The following ENOX2 variants were observed in gnomAD, a reference collection of about 807,000 sequenced individuals.
ENOX2 encodes ecto-NOX disulfide-thiol exchanger 2.
A neutral mutation model predicts 45.0 loss-of-function variants in ENOX2; 36 were observed. The observed-to-expected ratio is 0.80, with a 90% confidence interval of 0.61 to 1.06. ENOX2 has a LOEUF of 1.06. Ranked by LOEUF, ENOX2 falls within the 50% of genes least tolerant of loss-of-function variation. The probability of loss-of-function intolerance (pLI) is 0.00; values close to 1 mark genes in which losing one functional copy is unlikely to be tolerated. For synonymous variants in ENOX2, 174 were observed against 152.3 expected (o/e 1.14, Z -1.05); for missense variants, 423 against 462.5 (o/e 0.91, Z 0.78).
intron 3 of ENOX2, among the ~76,000 whole-genome samples, chrX:130,760,770 A>G (rs2039466653): frequency 1.2e-5 from 1 of 81,249 alleles, no homozygotes; most frequent in African/African-American, 4.8e-5. Context: ...TGGGTGACAG[A>G]GCAAGACTCC....
intron 10 of ENOX2, among the ~76,000 whole-genome samples, chrX:130,650,669 C>A (rs1229562814): frequency 8.9e-6 from 1 of 112,031 alleles, no homozygotes; most frequent in Non-Finnish European, 1.9e-5. Context: ...TAGTTCTTGG[C>A]TTCTCCTTTT....
intron 2 of ENOX2, among the ~76,000 whole-genome samples, chrX:130,809,386 A>G: frequency 8.9e-6 from 1 of 112,247 alleles, no homozygotes; most frequent in Non-Finnish European, 1.9e-5. Flanking sequence ...TAAAGTAATG[A>G]TGCTAGTTCC....
intron 2 of ENOX2, among the ~76,000 whole-genome samples, chrX:130,895,821 C>CA (rs1209236521): frequency 1.8e-5 from 2 of 110,813 alleles, no homozygotes; most frequent in African/African-American, 6.6e-5. Flanking sequence ...TCAGTAAAGG[C>CA]AAAAAAAGGA....
At chrX:130,810,998 G>C (rs897271514) in intron 2 of ENOX2, among the ~76,000 whole-genome samples, 1 of 112,173 alleles carries the variant, frequency 8.9e-6, no homozygotes, top group African/African-American at 3.2e-5. Flanking sequence ...GACCAGGCCT[G>C]CTTCAGAAAA....
rs145159380 is a variant in ENOX2 at position 130,679,642 on chromosome X, C to T, written c.360G>A (p.Glu120=). The T allele has an allele frequency of 1.1e-4, 127 of 1,208,430 alleles. No individual in the cohort carries two copies. In the African/African-American group the frequency reaches 2.1e-3, roughly 20 times the overall value. ...GAATGGCAATGATCTCTCCACACTGCTCGAAAACTTCCACAATGATTTGCT... is the reference window on the plus strand; with the variant it reads ...GAATGGCAATGATCTCTCCACACTGTTCGAAAACTTCCACAATGATTTGCT... ...GTEQIIVEVF[E]QCGEIIAIRK... is the part of the protein sequence containing the mutation. Residue 120 remains glutamate, a synonymous_variant, in exon 6 of 15, where the codon GAG becomes GAA. Transcript: ENST00000394363.
chrX:130,694,803 A>G (rs1185342378), intron 4 of ENOX2, among the ~76,000 whole-genome samples: 3 of 109,451 alleles, frequency 2.7e-5, no homozygotes, highest in Non-Finnish European at 5.7e-5. Flanking sequence ...GGGTTTTACC[A>G]TGTTGGCCAG....
At chrX:130,645,724 T>G in intron 10 of ENOX2, 1 of 753,327 alleles carries the variant, frequency 1.3e-6, no homozygotes, top group Admixed American at 2.8e-5. Flanking sequence ...CACGCTGGGA[T>G]GGTGAACCTA....
intron 3 of ENOX2, among the ~76,000 whole-genome samples, chrX:130,703,690 G>T (rs928271561): frequency 1.8e-5 from 2 of 111,450 alleles, no homozygotes; most frequent in Non-Finnish European, 3.8e-5. Flanking sequence ...TCTGTAGTTG[G>T]CAATAAAAGA....
At chrX:130,777,823 C>T (rs2039892986) in intron 3 of ENOX2, among the ~76,000 whole-genome samples, 1 of 112,009 alleles carries the variant, frequency 8.9e-6, no homozygotes, top group Non-Finnish European at 1.9e-5. Context: ...AGAAAGTAGG[C>T]TTACTTTTTT....
chrX:130,833,435 CCCA>C (rs2077871947), intron 2 of ENOX2, among the ~76,000 whole-genome samples: 1 of 110,747 alleles, frequency 9.0e-6, no homozygotes, highest in Non-Finnish European at 1.9e-5. Context: ...GCATGACGAG[CCCA>C]CACAGAGGTT....
At chrX:130,779,988 G>A (rs1332678446) in intron 3 of ENOX2, among the ~76,000 whole-genome samples, 1 of 111,744 alleles carries the variant, frequency 8.9e-6, no homozygotes, top group East Asian at 2.8e-4. Flanking sequence ...GGTAGGACTT[G>A]TACTAGGCAC....
chrX:130,682,322 T>G (rs1157681499), intron 5 of ENOX2, among the ~76,000 whole-genome samples: 1 of 109,518 alleles, frequency 9.1e-6, no homozygotes, highest in East Asian at 2.8e-4. Flanking sequence ...TGGCTACATT[T>G]GTGGGATTTA....
chrX:130,654,925 C>A (rs977708943), intron 10 of ENOX2, among the ~76,000 whole-genome samples: 3 of 111,912 alleles, frequency 2.7e-5, no homozygotes. Context: ...CTCCCATATA[C>A]CCCTCTCCTC....
At chrX:130,870,057 C>T (rs991468498) in intron 2 of ENOX2, among the ~76,000 whole-genome samples, 3 of 111,323 alleles carry the variant, frequency 2.7e-5, no homozygotes, top group Non-Finnish European at 5.7e-5. Context: ...CACCTCAAAT[C>T]ACCATCACAT....
intron 3 of ENOX2, among the ~76,000 whole-genome samples, chrX:130,768,766 CA>C (rs1448013966): frequency 3.6e-5 from 4 of 111,940 alleles, no homozygotes; most frequent in Non-Finnish European, 7.5e-5. Flanking sequence ...GATGCAAAAG[CA>C]GCCTGATCCT....
chrX:130,800,410 T>C (rs1204444679), intron 2 of ENOX2, among the ~76,000 whole-genome samples: 1 of 111,145 alleles, frequency 9.0e-6, no homozygotes, highest in Non-Finnish European at 1.9e-5. Flanking sequence ...TAATCCTCTG[T>C]CATTCTTTTT....
chrX:130,709,286 T>G (rs779796997), intron 3 of ENOX2: 9 of 1,202,208 alleles, frequency 7.5e-6, no homozygotes, highest in Non-Finnish European at 5.6e-6. Flanking sequence ...TAAAATCTCT[T>G]TGCATTGTGT....
At chrX:130,754,696 T>C (rs929040239) in intron 3 of ENOX2, among the ~76,000 whole-genome samples, 3 of 108,150 alleles carry the variant, frequency 2.8e-5, no homozygotes, top group Non-Finnish European at 5.8e-5. Context: ...TGGGTACACA[T>C]GGACACAAAG....
chrX:130,721,387 C>T (rs1392222262), intron 3 of ENOX2, among the ~76,000 whole-genome samples: 1 of 112,217 alleles, frequency 8.9e-6, no homozygotes. Context: ...GACTTGTGTG[C>T]CTGTCCAGAT....
Sources: gnomAD v4.1 joint callset for allele counts (sites outside exome capture counted in the v4.1 genomes callset) on GRCh38, gnomAD v4.1.1 for gene constraint, MANE v1.5 for transcripts, NCBI Gene and HGNC (gene_info 2026-07-23, HGNC 2026-07-21) for gene names.